Variants in POLA1 observed in about 807,000 individuals in gnomAD.
The protein encoded by POLA1 is DNA polymerase alpha catalytic subunit.
In POLA1, 15 loss-of-function variants were observed where a neutral mutation model predicts 124.0. That is an observed-to-expected ratio of 0.12 (90% CI 0.08 to 0.19). POLA1 has a LOEUF of 0.19. POLA1 is among the 10% of genes least tolerant of loss of function. The pLI, the probability that POLA1 is intolerant of heterozygous loss-of-function variation, is 1.00. For synonymous variants in POLA1, 408 were observed against 389.4 expected (o/e 1.05, Z -0.56); for missense variants, 886 against 1,103.4 (o/e 0.80, Z 2.79).
At chrX:24,829,755 G>A (rs1286750238) in intron 32 of POLA1, among the ~76,000 whole-genome samples, 2 of 112,222 alleles carry the variant, frequency 1.8e-5, no homozygotes, top group Non-Finnish European at 3.8e-5. Context: ...GAGGGAGGGA[G>A]ATGGGGAAGT....
intron 35 of POLA1, among the ~76,000 whole-genome samples, chrX:24,900,982 T>C (rs759046752): frequency 6.2e-5 from 7 of 112,072 alleles, no homozygotes; most frequent in African/African-American, 9.7e-5. Context: ...TTATAAATAA[T>C]GTTACTTATC....
intron 34 of POLA1, among the ~76,000 whole-genome samples, chrX:24,874,686 C>T (rs962021210): frequency 1.8e-5 from 2 of 111,647 alleles, no homozygotes; most frequent in East Asian, 2.8e-4. Context: ...AAGCTCATTT[C>T]GTATCCCAGG....
intron 32 of POLA1, among the ~76,000 whole-genome samples, chrX:24,829,187 C>A (rs1043345975): frequency 9.0e-6 from 1 of 111,307 alleles, no homozygotes; most frequent in Non-Finnish European, 1.9e-5. Flanking sequence ...CTAGGTGCAG[C>A]CATGGCTGTG....
chrX:24,976,942 CTGAT>C (rs2048369945), intron 36 of POLA1, among the ~76,000 whole-genome samples: 2 of 112,367 alleles, frequency 1.8e-5, no homozygotes, highest in Non-Finnish European at 1.9e-5. Flanking sequence ...TTCCGGCAGA[CTGAT>C]TGATTGATAC....
intron 36 of POLA1, among the ~76,000 whole-genome samples, chrX:24,937,853 T>C (rs999177183): frequency 8.9e-6 from 1 of 112,539 alleles, no homozygotes; most frequent in Non-Finnish European, 1.9e-5. Flanking sequence ...AGGGCCGTCC[T>C]TTTGGTAAAA....
chrX:24,778,716 C>T (rs2045195121), intron 26 of POLA1, among the ~76,000 whole-genome samples: 1 of 111,666 alleles, frequency 9.0e-6, no homozygotes, highest in African/African-American at 3.3e-5. Context: ...CATAGAAACC[C>T]TGTGATATTA....
chrX:24,952,052 C>G (rs1029391125), intron 36 of POLA1, among the ~76,000 whole-genome samples: 7 of 111,537 alleles, frequency 6.3e-5, no homozygotes, highest in Middle Eastern at 4.6e-3. Context: ...ACGAGGAGTC[C>G]TGAGTGCTTT....
At chrX:24,953,823 C>G (rs949204406) in intron 36 of POLA1, among the ~76,000 whole-genome samples, 2 of 111,882 alleles carry the variant, frequency 1.8e-5, no homozygotes. Context: ...AATGCTAAAG[C>G]CTTAAAAATT....
intron 23 of POLA1, among the ~76,000 whole-genome samples, chrX:24,745,152 GCTGGGGAAAGGA>G (rs1236847833): frequency 9.2e-6 from 1 of 108,905 alleles, no homozygotes; most frequent in Non-Finnish European, 1.9e-5. Flanking sequence ...TTTGGGGACA[GCTGGGGAAAGGA>G]CTGGTTGTAG....
chrX:24,757,761 C>T (rs367563060), intron 26 of POLA1, among the ~76,000 whole-genome samples: 134 of 110,918 alleles, frequency 1.2e-3, no homozygotes, highest in Admixed American at 3.4e-3. Context: ...CTTTAAGTGC[C>T]GCCATGATAC....
At chrX:24,804,517 G>C (rs1277090841) in intron 26 of POLA1, among the ~76,000 whole-genome samples, 1 of 111,810 alleles carries the variant, frequency 8.9e-6, no homozygotes, top group African/African-American at 3.2e-5. Flanking sequence ...TAAAGCCATT[G>C]AGATTTCAGT....
chrX:24,923,556 G>C (rs1289587286), intron 35 of POLA1, among the ~76,000 whole-genome samples: 1 of 111,978 alleles, frequency 8.9e-6, no homozygotes, highest in African/African-American at 3.2e-5. Context: ...TCGTTATCAA[G>C]AACTTGCTGT....
At chrX:24,748,483 A>T (rs1438211562) in intron 25 of POLA1, 23 bp downstream of exon 25, 1 of 1,130,567 alleles carries the variant, frequency 8.8e-7, no homozygotes, top group South Asian at 2.0e-5. Flanking sequence ...ACTAAGAAAC[A>T]TTTGAGTGAC....
chrX:24,756,504 A>G (rs968820651), intron 26 of POLA1, among the ~76,000 whole-genome samples: 1 of 109,232 alleles, frequency 9.2e-6, no homozygotes, highest in Non-Finnish European at 1.9e-5. Context: ...CAGAGGTTGC[A>G]CTGAGCCGAG....
intron 26 of POLA1, among the ~76,000 whole-genome samples, chrX:24,807,463 C>A (rs5943989): frequency 0.19 from 21,533 of 111,467 alleles, 1,713 homozygotes; most frequent in South Asian, 0.31. Context: ...AATATTCTCC[C>A]ACAATGCATT....
intron 36 of POLA1, among the ~76,000 whole-genome samples, chrX:24,933,521 T>C (rs758004114): frequency 1.8e-5 from 2 of 111,884 alleles, no homozygotes; most frequent in Non-Finnish European, 3.8e-5. Flanking sequence ...TTATTGAGAA[T>C]GGAGTCTAAG....
chrX:24,835,597 A>G (rs1161069825), intron 32 of POLA1, among the ~76,000 whole-genome samples: 1 of 109,394 alleles, frequency 9.1e-6, no homozygotes, highest in Non-Finnish European at 1.9e-5. Context: ...CAGTTTGTTA[A>G]TTAAAGAAAC....
chrX:24,916,064 C>G (rs2047525529), intron 35 of POLA1, among the ~76,000 whole-genome samples: 2 of 111,701 alleles, frequency 1.8e-5, no homozygotes, highest in Admixed American at 9.5e-5. Context: ...AAAACACTTT[C>G]ATGTTAACAC....
chrX:24,927,406 A>G (rs1601879230), intron 35 of POLA1, among the ~76,000 whole-genome samples: 1 of 111,893 alleles, frequency 8.9e-6, no homozygotes, highest in Non-Finnish European at 1.9e-5. Context: ...TTCTTCAACA[A>G]TATTTGCCAA....
Sources: gnomAD v4.1 joint callset for allele counts (sites outside exome capture counted in the v4.1 genomes callset) on GRCh38, gnomAD v4.1.1 for gene constraint, MANE v1.5 for transcripts, NCBI Gene and HGNC (gene_info 2026-07-23, HGNC 2026-07-21) for gene names.